Variants in PEX5L observed in about 807,000 individuals in gnomAD.
PEX5L encodes PEX5-related protein.
A neutral mutation model predicts 84.0 loss-of-function variants in PEX5L; 30 were observed. The ratio of observed to expected loss-of-function variants is 0.36; its 90% confidence interval spans 0.27 to 0.48. The LOEUF is 0.48. Among genes scored for constraint, PEX5L ranks in the 20% least tolerant of loss-of-function variants. PEX5L has a pLI of 0.99. For synonymous variants in PEX5L, 270 were observed against 283.1 expected, an observed-to-expected ratio of 0.95 and a Z score of 0.46; for missense variants, 533 against 754.6, an observed-to-expected ratio of 0.71 and a Z score of 3.44.
intron 8 of PEX5L, among the ~76,000 whole-genome samples, chr3:179,851,467 C>T (rs1741854183): frequency 6.6e-6 from 1 of 152,214 alleles, no homozygotes; most frequent in Admixed American, 6.5e-5. Flanking sequence ...GGGCTTCAAC[C>T]TATGAATGCT....
intron 1 of PEX5L, among the ~76,000 whole-genome samples, chr3:180,006,642 C>T (rs1274895077): frequency 6.6e-6 from 1 of 152,164 alleles, no homozygotes; most frequent in African/African-American, 2.4e-5. Context: ...TTTAATTGGA[C>T]CTACAGTTCC....
chr3:179,902,812 A>C, intron 2 of PEX5L: 1 of 372,426 alleles, frequency 2.7e-6, no homozygotes, highest in South Asian at 2.2e-5. Flanking sequence ...ACTCTCAACA[A>C]TTATCCAGAG....
At chr3:179,883,073 A>AT (rs1237319550) in intron 4 of PEX5L, among the ~76,000 whole-genome samples, 10 of 152,204 alleles carry the variant, frequency 6.6e-5, no homozygotes, top group African/African-American at 9.6e-5. Flanking sequence ...CTCTAAAAAA[A>AT]AGGAGCACAA....
chr3:179,797,597 AAAAAAAAAATATAT>A lies in PEX5L; in HGVS notation c.*4217_*4230del, dbSNP rs1161442451. The A allele has an allele frequency of 4.8e-5, 5 of 105,260 alleles. No individual in the cohort carries two copies. The highest frequency in any genetic ancestry group is 2.1e-4 in the African/African-American group (5 of 23,948). The allele number at this position is 105,260 out of a possible 1,614,324, so 6.5% of individuals were successfully genotyped here. A position where few individuals can be genotyped will look rare whatever the true frequency, so the allele number is the denominator to read the frequency against. Reference sequence around the variant, plus strand: ...TATCTATGAACACTCTTTAAAAAAAAAAAAAAAAATATATATATATATATATATATATATCTACT... The same window carrying A: ...TATCTATGAACACTCTTTAAAAAAAAATATATATATATATATATATCTACT... On this transcript the variant is annotated 3_prime_UTR_variant, in exon 15 of 15. Transcript: ENST00000467460.
rs550877963 is a variant in PEX5L, at chr3:179,992,507, T to C, written c.22-20842A>G. 7.9e-5 allele frequency among the ~76,000 whole-genome samples: 12 copies of C among 152,328 alleles called. No homozygotes were observed. In the East Asian group the frequency reaches 2.3e-3, roughly 29 times the overall value. On this transcript the variant is annotated intron_variant, in intron 1 of 14. Transcript: ENST00000467460. ...TGCATGGTAGGTGCTCACAAATGTT[T>C]GTAATGCAGATGAGAAAAATCAATG... is the stretch of plus-strand genomic sequence containing the variant.
At chr3:179,994,236 T>C (rs997958310) in intron 1 of PEX5L, among the ~76,000 whole-genome samples, 1 of 152,168 alleles carries the variant, frequency 6.6e-6, no homozygotes, top group African/African-American at 2.4e-5. Context: ...CATAGATAAA[T>C]GGGAAATAAC....
intron 2 of PEX5L, among the ~76,000 whole-genome samples, chr3:179,910,444 T>C (rs1486301846): frequency 6.6e-6 from 1 of 152,242 alleles, no homozygotes; most frequent in Non-Finnish European, 1.5e-5. Context: ...TTTATTAAAT[T>C]ATATACACTT....
rs781124853 is a variant in PEX5L, at chr3:179,942,451, T to C, written c.93+29143A>G. Among the ~76,000 whole-genome samples, 413 of 152,358 alleles carry C rather than the reference T, an allele frequency of 2.7e-3. 3 individuals carry two copies. Among genetic ancestry groups the C allele is most frequent in the Non-Finnish European group, 3.7e-3 (251 of 68,030 alleles). ...GGCGGCTGGGCGGGGCTGGAGCCTG[T>C]GACCGCGCCCGCTGCGCGCATGCCC... is the stretch of plus-strand genomic sequence containing the variant. On this transcript the variant is annotated intron_variant, in intron 2 of 14. Coordinates refer to ENST00000467460, the MANE Select transcript of PEX5L (RefSeq NM_016559.3).
At chr3:179,920,593 C>A (rs142768813) in intron 2 of PEX5L, among the ~76,000 whole-genome samples, 54 of 152,242 alleles carry the variant, frequency 3.5e-4, no homozygotes, top group African/African-American at 1.3e-3. Context: ...AAGGTATTAT[C>A]CTGTTCTATT....
chr3:179,841,684 A>G (rs1183511882), intron 8 of PEX5L, among the ~76,000 whole-genome samples: 1 of 152,182 alleles, frequency 6.6e-6, no homozygotes, highest in Non-Finnish European at 1.5e-5. Flanking sequence ...TTCTTAAAGT[A>G]CTTGAAGTTG....
At chr3:179,861,063 T>C (rs567285836) in intron 7 of PEX5L, among the ~76,000 whole-genome samples, 1 of 152,298 alleles carries the variant, frequency 6.6e-6, no homozygotes, top group South Asian at 2.1e-4. Flanking sequence ...AACAACAGTG[T>C]TAGTCTGTGT....
At chr3:179,989,482 G>T (rs556661203) in intron 1 of PEX5L, among the ~76,000 whole-genome samples, 1 of 152,134 alleles carries the variant, frequency 6.6e-6, no homozygotes, top group South Asian at 2.1e-4. Context: ...CAGATAACTA[G>T]TTTACAAAAT....
chr3:179,936,925 T>C lies in PEX5L; in HGVS notation c.93+34669A>G, dbSNP rs1774746186. Among the ~76,000 whole-genome samples, 2 of 45,444 alleles carry C rather than the reference T, an allele frequency of 4.4e-5. 1 individual carries two copies. Among genetic ancestry groups the C allele is most frequent in the African/African-American group, 1.7e-4 (2 of 11,990 alleles). The allele number at this position is 45,444 out of a possible 152,430, so 29.8% of individuals were successfully genotyped here. On this transcript the variant is annotated intron_variant, in intron 2 of 14. Coordinates refer to ENST00000467460, the MANE Select transcript of PEX5L (RefSeq NM_016559.3). ...ACATTTGACAGCTTACATGACAGCA[T>C]GAGTAACCTTTGCTACTCGTTTATA...
chr3:179,966,174 C>G (rs1783281766), intron 2 of PEX5L, among the ~76,000 whole-genome samples: 1 of 152,136 alleles, frequency 6.6e-6, no homozygotes, highest in Non-Finnish European at 1.5e-5. Flanking sequence ...ATTAAGGCAA[C>G]TACAACTGCA....
intron 2 of PEX5L, among the ~76,000 whole-genome samples, chr3:179,926,124 C>T (rs1212864730): frequency 2.0e-5 from 3 of 152,180 alleles, no homozygotes; most frequent in Non-Finnish European, 4.4e-5. Context: ...AATATCCAAT[C>T]CATCAGCAGA....
chr3:179,966,351 AG>A (rs1336154503), intron 2 of PEX5L, among the ~76,000 whole-genome samples: 1 of 152,182 alleles, frequency 6.6e-6, no homozygotes, highest in African/African-American at 2.4e-5. Context: ...ACCAAGAGAC[AG>A]GGTATCATAC....
At chr3:179,850,043 A>C (rs990444256) in intron 8 of PEX5L, among the ~76,000 whole-genome samples, 7 of 152,218 alleles carry the variant, frequency 4.6e-5, no homozygotes, top group African/African-American at 1.7e-4. Context: ...TTCTGACCTT[A>C]AAAATTTAGA....
chr3:179,809,263 T>G (rs1461258264), intron 12 of PEX5L, among the ~76,000 whole-genome samples: 1 of 152,110 alleles, frequency 6.6e-6, no homozygotes, highest in African/African-American at 2.4e-5. Flanking sequence ...TGTCTGTGAG[T>G]GCCCACAATG....
intron 1 of PEX5L, 128 bp downstream of exon 1, chr3:180,036,451 C>A (rs1487814637): frequency 1.0e-5 from 9 of 902,966 alleles, no homozygotes; most frequent in South Asian, 2.7e-5. Context: ...AGAAATGTCA[C>A]GGTCATGTTG....
Sources: gnomAD v4.1 joint callset for allele counts (sites outside exome capture counted in the v4.1 genomes callset) on GRCh38, gnomAD v4.1.1 for gene constraint, MANE v1.5 for transcripts, NCBI Gene and HGNC (gene_info 2026-07-23, HGNC 2026-07-21) for gene names.